Variants in TRIM62 observed in about 807,000 individuals in gnomAD.
The protein encoded by TRIM62 is tripartite motif containing 62, also known as E3 ubiquitin-protein ligase TRIM62.
TRIM62 carries 39 observed loss-of-function variants against 44.2 expected under a neutral mutation model. The observed-to-expected ratio is 0.88, with a 90% CI of 0.68 to 1.15. TRIM62 has a LOEUF of 1.15. Ranked by LOEUF, TRIM62 falls within the 50% of genes most tolerant of loss-of-function variation. The pLI is 0.00. For missense variants in TRIM62, 544 were observed against 665.5 expected, an observed-to-expected ratio of 0.82 and a Z score of 2.01; for synonymous variants, 278 against 292.3, an observed-to-expected ratio of 0.95 and a Z score of 0.50.
rs1645429300 is a variant in TRIM62 at position 33,177,194 on chromosome 1, C to T, written c.408+3831G>A. On this transcript the variant is annotated intron_variant, in intron 1 of 4. Coordinates refer to ENST00000291416, the MANE Select transcript of TRIM62 (RefSeq NM_018207.3). This position sits in a 1 kb window ranked among gnomAD's most constrained non-coding sequence, Gnocchi z 4.1. ...CTTAGAACTGTATAGTAACTCCTGC[C>T]ATGTTTCATGGGGTATTATTATGGG... is the stretch of plus-strand genomic sequence containing the variant. Among the ~76,000 whole-genome samples, 1 of 152,202 alleles carries T rather than the reference C, an allele frequency of 6.6e-6. No individual in the cohort carries two copies. The highest frequency in any genetic ancestry group is 6.5e-5 in the Admixed American group (1 of 15,286).
rs1570280865 is a variant in TRIM62, at chr1:33,147,804, C to T, written c.878-77G>A. The T allele has an allele frequency of 6.6e-7, 1 of 1,523,964 alleles. No individual in the cohort carries two copies. The highest frequency in any genetic ancestry group is 1.3e-5 in the South Asian group (1 of 79,636). The allele number at this position is 1,523,964 out of a possible 1,614,324, so 94.4% of individuals were successfully genotyped here. The stretch of plus-strand genomic sequence containing the variant: ...CCACCATGCAGTGCCTTCCTGAGGG[C>T]AGAGTTCTGGTTGGTACGCAGGAGG... On this transcript the variant is annotated intron_variant, in intron 4 of 4. Transcript: ENST00000291416. The surrounding 1 kb of genome is among the most constrained non-coding windows in gnomAD (Gnocchi z 8.1).
Position 33,177,072 on chromosome 1 carries a change from CACACACAT to C in TRIM62, c.408+3945_408+3952del, listed in dbSNP as rs530383225. ...ACACGCACACACACACACATGCACA[CACACACAT>C]GCATGCACAAATGCACACACATGCA... On this transcript the variant is annotated intron_variant, in intron 1 of 4. Coordinates refer to ENST00000291416, the MANE Select transcript of TRIM62 (RefSeq NM_018207.3). This position sits in a 1 kb window ranked among gnomAD's most constrained non-coding sequence, Gnocchi z 4.1. Among the ~76,000 whole-genome samples the C allele has an allele frequency of 0.14, 1,862 of 13,742 alleles. 112 individuals carry two copies. The highest frequency in any genetic ancestry group is 0.42 in the Admixed American group (1,609 of 3,810). The allele number at this position is 13,742 out of a possible 152,430, so 9.0% of individuals were successfully genotyped here. A position where few individuals can be genotyped will look rare whatever the true frequency, so the allele number is the denominator to read the frequency against.
At chr1:33,155,930 C>G (rs550105811) in intron 4 of TRIM62, among the ~76,000 whole-genome samples, 2 of 152,326 alleles carry the variant, frequency 1.3e-5, no homozygotes, top group East Asian at 1.9e-4. Context: ...ATCCCTTGCT[C>G]CCATCTCCGC....
intron 4 of TRIM62, among the ~76,000 whole-genome samples, chr1:33,154,767 C>A (rs1645152306): frequency 6.8e-6 from 1 of 146,096 alleles, no homozygotes; most frequent in Non-Finnish European, 1.5e-5. Flanking sequence ...CACTGCACTC[C>A]AGCCTGGTTG....
chr1:33,174,975 ATATACATATATATG>A (rs1645404928), intron 1 of TRIM62, among the ~76,000 whole-genome samples: 1 of 136,020 alleles, frequency 7.4e-6, no homozygotes, highest in African/African-American at 3.0e-5. Flanking sequence ...ATATACACAC[ATATACATATATATG>A]CACACACACA....
At chr1:33,164,353 A>C (rs927457229) in intron 2 of TRIM62, 1 of 152,266 alleles carries the variant, frequency 6.6e-6, no homozygotes, top group Non-Finnish European at 1.5e-5. Context: ...GCTCCTGCTG[A>C]CAGAGCGGGG....
rs1196787532 is a variant in TRIM62 at position 33,161,545 on chromosome 1, G to A, written c.505-1601C>T. Among the ~76,000 whole-genome samples, 1 of 152,120 alleles carries A rather than the reference G, an allele frequency of 6.6e-6. No individual in the cohort carries two copies. Among genetic ancestry groups the A allele is most frequent in the Non-Finnish European group, 1.5e-5 (1 of 68,010 alleles). On this transcript the variant is annotated intron_variant, in intron 2 of 4. Transcript: ENST00000291416. The surrounding 1 kb of genome is among the most constrained non-coding windows in gnomAD (Gnocchi z 4.3). ...CCTGCAGGAAGAACTGCTGGCGGTG[G>A]GCCAGCCTCGCTGCGCATGCCCACC...
chr1:33,174,636 G>A (rs765416776), intron 1 of TRIM62, among the ~76,000 whole-genome samples: 7 of 152,160 alleles, frequency 4.6e-5, no homozygotes, highest in African/African-American at 1.4e-4. Flanking sequence ...AACCCAGTCC[G>A]TGGAACAATC....
rs1053842486 is a variant in TRIM62, at chr1:33,146,991, T to C, written c.*186A>G. ...CAAGGTCAGAGCTACAGAACATCGA[T>C]GCTGGAAGAGAGTTTAGGAAGTAGG... is the stretch of plus-strand genomic sequence containing the variant. On this transcript the variant is annotated 3_prime_UTR_variant, in exon 5 of 5. Coordinates refer to ENST00000291416, the MANE Select transcript of TRIM62 (RefSeq NM_018207.3). 88 of 630,942 alleles carry C rather than the reference T, an allele frequency of 1.4e-4. No homozygotes were observed. Among genetic ancestry groups the C allele is most frequent in the East Asian group, 5.5e-5 (2 of 36,370 alleles). 39.1% of individuals were successfully genotyped at this position (630,942 alleles called of 1,614,324 possible).
intron 4 of TRIM62, among the ~76,000 whole-genome samples, chr1:33,148,944 G>C (rs188715934): frequency 6.6e-6 from 1 of 152,142 alleles, no homozygotes; most frequent in Non-Finnish European, 1.5e-5. Flanking sequence ...TCTAGCGCCA[G>C]TCCTTTCTCC....
Position 33,147,280 on chromosome 1 carries a change from CG to C in TRIM62, c.1324del (p.Arg442AlafsTer92), listed in dbSNP as rs1481839620. The C allele has an allele frequency of 2.1e-5, 34 of 1,614,010 alleles. No individual in the cohort carries two copies. The highest frequency in any genetic ancestry group is 2.9e-5 in the Non-Finnish European group (34 of 1,180,040). ...ADDMSWLYTF[R>X]EKFPGKLCSY... ...GCAGAGCTTGCCAGGGAACTTCTCG[CG>C]GAAGGTGTAGAGCCAGGACATGTCA... On this transcript the variant is annotated frameshift_variant, in exon 5 of 5. Coordinates refer to ENST00000291416, the MANE Select transcript of TRIM62 (RefSeq NM_018207.3). LOFTEE classifies it high-confidence loss of function. This position sits in a 1 kb window ranked among gnomAD's most constrained non-coding sequence, Gnocchi z 8.1.
intron 3 of TRIM62, among the ~76,000 whole-genome samples, chr1:33,158,659 A>G (rs1645215650): frequency 1.3e-5 from 2 of 152,234 alleles, no homozygotes; most frequent in Admixed American, 1.3e-4. Flanking sequence ...GTCACGGTCA[A>G]TGCCAAATTC....
rs371259348 is a variant in TRIM62, at chr1:33,177,388, C to A, written c.408+3637G>T. ...AACATCCTTCCCAGGAACATCATAT[C>A]CTCTTGTTATAGATGAACCTTAGAG... On this transcript the variant is annotated intron_variant, in intron 1 of 4. Transcript: ENST00000291416. This position sits in a 1 kb window ranked among gnomAD's most constrained non-coding sequence, Gnocchi z 4.1. Among the ~76,000 whole-genome samples the A allele has an allele frequency of 3.9e-5, 6 of 152,258 alleles. No individual in the cohort carries two copies. The South Asian group carries it at 8.3e-4, about 21-fold the overall frequency.
intron 3 of TRIM62, 34 bp from the exon 4 acceptor site, chr1:33,158,402 G>A: frequency 2.5e-6 from 4 of 1,592,852 alleles, no homozygotes; most frequent in Non-Finnish European, 3.4e-6. Flanking sequence ...GCTGCACCAG[G>A]GACTGGATTC....
At chr1:33,168,199 C>A (rs1376828422) in intron 1 of TRIM62, among the ~76,000 whole-genome samples, 1 of 152,080 alleles carries the variant, frequency 6.6e-6, no homozygotes, top group Admixed American at 6.6e-5. Context: ...GTTTTGAGAG[C>A]CCATGCTGAT....
intron 4 of TRIM62, among the ~76,000 whole-genome samples, chr1:33,157,908 C>A (rs1645203361): frequency 6.6e-6 from 1 of 152,154 alleles, no homozygotes; most frequent in Non-Finnish European, 1.5e-5. Flanking sequence ...AGGTGCACGC[C>A]ACCATGCCCA....
In TRIM62 at chr1:33,165,320, C is replaced by T. The variant is rs1021706628; in HGVS notation, c.504+151G>A. The T allele has an allele frequency of 1.9e-5, 12 of 642,764 alleles. No homozygotes were observed. The highest frequency in any genetic ancestry group is 2.9e-5 in the Non-Finnish European group (11 of 383,678). The allele number at this position is 642,764 out of a possible 1,614,324, so 39.8% of individuals were successfully genotyped here. A position where few individuals can be genotyped will look rare whatever the true frequency, so the allele number is the denominator to read the frequency against. On this transcript the variant is annotated intron_variant, in intron 2 of 4. Coordinates refer to ENST00000291416, the MANE Select transcript of TRIM62 (RefSeq NM_018207.3). The surrounding 1 kb of genome is among the most constrained non-coding windows in gnomAD (Gnocchi z 4.0). The stretch of plus-strand genomic sequence containing the variant: ...TTCACGGATGCCCTACCCTCTTCCC[C>T]ACCCTGCCCTTCTCACTCCAGGTTT...
chr1:33,157,434 G>A (rs1326773895), intron 4 of TRIM62, among the ~76,000 whole-genome samples: 2 of 151,718 alleles, frequency 1.3e-5, no homozygotes, highest in African/African-American at 4.8e-5. Flanking sequence ...AGTGCGGGCT[G>A]GTTCCTGGAC....
At chr1:33,178,824 AT>A (rs1357233054) in intron 1 of TRIM62, among the ~76,000 whole-genome samples, 1 of 152,250 alleles carries the variant, frequency 6.6e-6, no homozygotes, top group African/African-American at 2.4e-5. Context: ...TTTCAATAAT[AT>A]TTGTAGGTAA....
Sources: allele counts gnomAD v4.1 joint callset (sites outside exome capture counted in the v4.1 genomes callset), GRCh38; gene constraint gnomAD v4.1.1; non-coding constraint Gnocchi (gnomAD v3.1); transcripts MANE v1.5; gene names NCBI Gene and HGNC (gene_info 2026-07-23, HGNC 2026-07-21).